Variants in USP34 observed in about 807,000 individuals in gnomAD.
USP34 encodes ubiquitin carboxyl-terminal hydrolase 34.
USP34 carries 70 observed loss-of-function variants against 460.3 expected under a neutral mutation model. That is an observed-to-expected ratio of 0.15 (90% CI 0.13 to 0.19). USP34 has a LOEUF of 0.19. Ranked by LOEUF, USP34 falls within the 10% of genes least tolerant of loss-of-function variation. The pLI, the probability that USP34 is intolerant of heterozygous loss-of-function variation, is 1.00. For synonymous variants in USP34, 1,647 were observed against 1,405.3 expected, an observed-to-expected ratio of 1.17 and a Z score of -3.85; for missense variants, 3,985 against 4,236.2, an observed-to-expected ratio of 0.94 and a Z score of 1.65.
intron 1 of USP34, among the ~76,000 whole-genome samples, chr2:61,434,767 A>AG (rs1558592275): frequency 1.5e-4 from 21 of 135,872 alleles, no homozygotes; most frequent in Non-Finnish European, 2.9e-4. Context: ...ATAAAATTGA[A>AG]AGGGGGGGGG....
rs573045189 is a variant in USP34 at position 61,349,668 on chromosome 2, G to A, written c.1508-383C>T. 7.0e-4 allele frequency among the ~76,000 whole-genome samples: 106 copies of A among 152,058 alleles called. 1 individual carries two copies. Among genetic ancestry groups the A allele is most frequent in the African/African-American group, 2.1e-3 (89 of 41,468 alleles). Reference sequence around the variant, plus strand: ...ATCCTGGCTAACACGGTGAAACCCCGTCTCTACTAAAAATACAAAAAAATT... The same window carrying A: ...ATCCTGGCTAACACGGTGAAACCCCATCTCTACTAAAAATACAAAAAAATT... On this transcript the variant is annotated intron_variant, in intron 12 of 79. Transcript: ENST00000398571.
At chr2:61,294,827 A>C (rs1689976695) in intron 32 of USP34, 122 bp downstream of exon 32, 2 of 825,480 alleles carry the variant, frequency 2.4e-6, no homozygotes. Context: ...CATGATTTTT[A>C]AACTATGCTT....
chr2:61,375,818 C>G (rs1240402048), intron 8 of USP34, among the ~76,000 whole-genome samples: 1 of 145,600 alleles, frequency 6.9e-6, no homozygotes, highest in Non-Finnish European at 1.5e-5. Flanking sequence ...AAATATCCAT[C>G]AACTGGTACT....
intron 3 of USP34, among the ~76,000 whole-genome samples, chr2:61,399,995 C>T (rs1398803272): frequency 1.3e-5 from 2 of 150,658 alleles, no homozygotes; most frequent in African/African-American, 2.4e-5. Flanking sequence ...TTTTTTTCCT[C>T]AAAAACCTCC....
At position 61,229,590 on chromosome 2, in the gene USP34, G is replaced by C; in HGVS notation, c.7157C>G (p.Pro2386Arg). 6.2e-7 allele frequency: 1 copy of C among 1,612,190 alleles called. No homozygotes were observed. Residue 2386 changes from proline to arginine, a missense_variant, in exon 59 of 80, where the codon CCT (proline) becomes CGT (arginine). Physicochemically the swap from Pro to Arg is moderately radical, Grantham distance 103 (BLOSUM62 -2). This residue lies in a region of USP34 where 604 missense variants were observed against 684.8 expected (regional missense o/e 0.88). Coordinates refer to ENST00000398571, the MANE Select transcript of USP34 (RefSeq NM_014709.4). Reference sequence around the variant, plus strand: ...CTGCAAATAGAGATGAGCATGCACAGGTCTCAGCCTCTGAATCACATGGAT... The same window carrying C: ...CTGCAAATAGAGATGAGCATGCACACGTCTCAGCCTCTGAATCACATGGAT... The part of the protein sequence containing the change: ...LCIHVIQRLR[P>R]VHAHLYLQPG...
At chr2:61,243,455 T>C (rs896286241) in intron 51 of USP34, among the ~76,000 whole-genome samples, 2 of 151,598 alleles carry the variant, frequency 1.3e-5, no homozygotes, top group Non-Finnish European at 2.9e-5. Flanking sequence ...CCTCAAAACA[T>C]TTTTTAAAGA....
At chr2:61,466,092 G>A (rs1046125577) in intron 1 of USP34, among the ~76,000 whole-genome samples, 1 of 151,910 alleles carries the variant, frequency 6.6e-6, no homozygotes, top group African/African-American at 2.4e-5. Flanking sequence ...TGAGATAGAA[G>A]GAATAAGTAC....
chr2:61,218,570 A>C (rs1031932854), intron 67 of USP34, among the ~76,000 whole-genome samples: 8 of 151,376 alleles, frequency 5.3e-5, no homozygotes, highest in African/African-American at 1.7e-4. Context: ...TTTTGCCCTA[A>C]TGTCCTTTTT....
At chr2:61,222,387 G>T (rs140272998) in intron 65 of USP34, among the ~76,000 whole-genome samples, 37 of 152,020 alleles carry the variant, frequency 2.4e-4, no homozygotes, top group African/African-American at 8.9e-4. Flanking sequence ...CATCCAGGTG[G>T]CACTCTGATA....
At chr2:61,340,199 T>C (rs1030532199) in intron 16 of USP34, among the ~76,000 whole-genome samples, 1 of 133,206 alleles carries the variant, frequency 7.5e-6, no homozygotes, top group Non-Finnish European at 1.7e-5. Context: ...TTATAATCCC[T>C]ATATTTAAAA....
intron 18 of USP34, 22 bp downstream of exon 18, chr2:61,339,329 A>G: frequency 1.9e-6 from 3 of 1,597,250 alleles, no homozygotes; most frequent in Non-Finnish European, 1.7e-6. Context: ...ACTGCATTAA[A>G]AATTTTTAAA....
chr2:61,379,501 C>A (rs1572984544), intron 7 of USP34, among the ~76,000 whole-genome samples: 1 of 152,064 alleles, frequency 6.6e-6, no homozygotes, highest in Non-Finnish European at 1.5e-5. Context: ...GAATGGGACT[C>A]CATCTCCAAG....
intron 48 of USP34, among the ~76,000 whole-genome samples, chr2:61,254,731 G>A (rs775681473): frequency 6.6e-6 from 1 of 152,160 alleles, no homozygotes; most frequent in Non-Finnish European, 1.5e-5. Flanking sequence ...TGAGGTGGGC[G>A]GATTGTTTGA....
intron 47 of USP34, 102 bp from the exon 48 acceptor site, chr2:61,256,580 A>ATT: frequency 1.3e-6 from 1 of 761,040 alleles, no homozygotes; most frequent in Non-Finnish European, 1.9e-6. Flanking sequence ...CAGCAAAAAA[A>ATT]TTTTTTTTTT....
chr2:61,220,550 A>G (rs534174249), intron 66 of USP34, 93 bp from the exon 67 acceptor site: 47 of 1,203,088 alleles, frequency 3.9e-5, no homozygotes, highest in South Asian at 3.8e-4. Flanking sequence ...ACACAAAGCT[A>G]AAGTACTTTT....
rs114933535 is a variant in USP34, at chr2:61,333,325, C to T, written c.2834+557G>A. Among the ~76,000 whole-genome samples the T allele has an allele frequency of 8.5e-5, 13 of 152,106 alleles. No individual in the cohort carries two copies. The East Asian group carries it at 1.9e-3, about 23-fold the overall frequency. On this transcript the variant is annotated intron_variant, in intron 19 of 79. Transcript: ENST00000398571. ...AAATTTTTTCAGATTCCGTAATATT[C>T]GCAGAATGCATAGCAGTTGAACATA...
intron 3 of USP34, among the ~76,000 whole-genome samples, chr2:61,404,965 C>T (rs1232369609): frequency 2.0e-5 from 3 of 151,960 alleles, no homozygotes; most frequent in Non-Finnish European, 2.9e-5. Flanking sequence ...TGGTGGCTCA[C>T]GTCTGTAATC....
chr2:61,227,120 A>G lies in USP34; in HGVS notation c.7542T>C (p.Leu2514=), dbSNP rs1353516392. ...LAEEKYRPAA[L]EKMIALVALL... ...GAGCAACTAAAGCTATCATCTTTTCAAGGGCAGCTGGCCTGTATTTTTCTT... is the reference window on the plus strand; with the variant it reads ...GAGCAACTAAAGCTATCATCTTTTCGAGGGCAGCTGGCCTGTATTTTTCTT... Residue 2514 remains leucine, a synonymous_variant, in exon 62 of 80, where the codon CTT becomes CTC. Transcript: ENST00000398571. 6.2e-7 allele frequency: 1 copy of G among 1,613,756 alleles called. No individual in the cohort carries two copies.
chr2:61,435,797 G>A lies in USP34; in HGVS notation c.44-14964C>T, dbSNP rs112828044. Among the ~76,000 whole-genome samples the A allele has an allele frequency of 8.3e-3, 1,261 of 152,230 alleles. 17 individuals are homozygous for A. The highest frequency in any genetic ancestry group is 0.029 in the African/African-American group (1,192 of 41,526). Reference sequence around the variant, plus strand: ...TAATCCCAGCACTTTGGGAGGCCACGACGGGCAGATCACTTGAGGTCAGGA... The same window carrying A: ...TAATCCCAGCACTTTGGGAGGCCACAACGGGCAGATCACTTGAGGTCAGGA... On this transcript the variant is annotated intron_variant, in intron 1 of 79. Transcript: ENST00000398571.
Sources: gnomAD v4.1 joint callset for allele counts (sites outside exome capture counted in the v4.1 genomes callset) on GRCh38, gnomAD v4.1.1 for gene constraint, gnomAD v4.1.1 regional missense constraint, MANE v1.5 for transcripts, NCBI Gene and HGNC (gene_info 2026-07-23, HGNC 2026-07-21) for gene names.